The following ANTXR1 variants were observed in gnomAD, a reference collection of about 807,000 sequenced individuals.
ANTXR1 encodes the protein anthrax toxin receptor 1.
In ANTXR1, 19 loss-of-function variants were observed where a neutral mutation model predicts 78.1. That is an observed-to-expected ratio of 0.24 (90% confidence interval 0.17 to 0.36). The LOEUF is 0.36. Ranked by LOEUF, ANTXR1 falls within the 10% of genes least tolerant of loss-of-function variation. ANTXR1 has a pLI of 1.00. For missense variants in ANTXR1, 518 were observed against 718.6 expected (o/e 0.72, Z 3.19); for synonymous variants, 273 against 260.5 (o/e 1.05, Z -0.46).
intron 16 of ANTXR1, among the ~76,000 whole-genome samples, chr2:69,186,354 T>G (rs1235403591): frequency 3.3e-5 from 5 of 152,248 alleles, no homozygotes; most frequent in Non-Finnish European, 7.3e-5. Flanking sequence ...CATCCTATTT[T>G]ACATGATGTT....
At chr2:69,172,286 T>C in intron 14 of ANTXR1, 1 of 1,181,386 alleles carries the variant, frequency 8.5e-7, no homozygotes, top group Non-Finnish European at 1.3e-6. Context: ...AGGCGCTTTT[T>C]GGCATGTGCT....
Position 69,182,636 on chromosome 2 carries a change from C to T in ANTXR1, c.1329C>T (p.Pro443=), listed in dbSNP as rs201866909. The T allele has an allele frequency of 1.8e-4, 291 of 1,614,016 alleles. No individual in the cohort carries two copies. Among genetic ancestry groups the T allele is most frequent in the Non-Finnish European group, 2.2e-4 (260 of 1,180,042 alleles). The part of the protein sequence containing the change: ...LNNNMRRPSS[P]RKWYSPIKGK... ...ACAATATGCGTCGGCCTTCTTCCCC[C>T]CGGAAGTGGTACTCTCCAATCAAGG... The change falls in exon 16 of 18, where the codon CCC becomes CCT. Residue 443 remains proline, a synonymous_variant. Transcript: ENST00000303714.
chr2:69,090,735 C>A lies in ANTXR1; in HGVS notation c.643-124C>A. 6.9e-6 allele frequency: 6 copies of A among 869,102 alleles called. No individual in the cohort carries two copies. The South Asian group carries it at 8.4e-5, about 12-fold the overall frequency. The allele number at this position is 869,102 out of a possible 1,614,324, so 53.8% of individuals were successfully genotyped here. A position where few individuals can be genotyped will look rare whatever the true frequency, so the allele number is the denominator to read the frequency against. On this transcript the variant is annotated intron_variant, in intron 8 of 17. Transcript: ENST00000303714. ...AGTCAAGATGTTAGACTCCTCGCAC[C>A]CCCACCGCAACCAAATGTCCTTGAA... is the stretch of plus-strand genomic sequence containing the variant.
intron 4 of ANTXR1, among the ~76,000 whole-genome samples, chr2:69,071,405 T>A (rs1248733170): frequency 6.6e-6 from 1 of 152,218 alleles, no homozygotes; most frequent in Non-Finnish European, 1.5e-5. Flanking sequence ...GATATTTGTT[T>A]CTAAACATAG....
Position 69,182,553 on chromosome 2 carries a change from G to C in ANTXR1, c.1246G>C (p.Ala416Pro). The C allele has an allele frequency of 6.2e-7, 1 of 1,614,218 alleles. No individual in the cohort carries two copies. The highest frequency in any genetic ancestry group is 8.5e-7 in the Non-Finnish European group (1 of 1,180,040). ...TGCTAAGTTGGAAAAGGCAAAGAAT[G>C]CAAGAGTCAAGATGCCGGAGCAGGA... is the stretch of plus-strand genomic sequence containing the variant. ...EGAKLEKAKN[A>P]RVKMPEQEYE... The change falls in exon 16 of 18, where the codon GCA (alanine) becomes CCA (proline). Residue 416 changes from alanine (A) to proline (P), a missense_variant. This residue lies in a region of ANTXR1 where 192 missense variants were observed against 230.2 expected (regional missense o/e 0.83). Coordinates refer to ENST00000303714, the MANE Select transcript of ANTXR1 (RefSeq NM_032208.3).
chr2:69,110,699 A>G (rs1341718535), intron 10 of ANTXR1, among the ~76,000 whole-genome samples: 1 of 152,126 alleles, frequency 6.6e-6, no homozygotes, highest in African/African-American at 2.4e-5. Flanking sequence ...TCTCCACTAA[A>G]AATAGAAAAA....
In ANTXR1 at chr2:69,226,676, G is replaced by A. The variant is rs112104949; in HGVS notation, c.1435-18549G>A. Among the ~76,000 whole-genome samples the A allele has an allele frequency of 3.2e-3, 491 of 152,262 alleles. 3 individuals are homozygous for A. The highest frequency in any genetic ancestry group is 0.011 in the African/African-American group (462 of 41,558). On this transcript the variant is annotated intron_variant, in intron 17 of 17. Transcript: ENST00000303714. ...CCATTGAAATAGAAGAAATGAAGTAGAGGTCATACCGTTTGTCATCTCTCC... is the reference window on the plus strand; with the variant it reads ...CCATTGAAATAGAAGAAATGAAGTAAAGGTCATACCGTTTGTCATCTCTCC...
chr2:69,070,116 G>A (rs373213377), intron 3 of ANTXR1, among the ~76,000 whole-genome samples: 5 of 152,130 alleles, frequency 3.3e-5, no homozygotes, highest in East Asian at 3.9e-4. Context: ...CACAGGCACC[G>A]GCCCACAGAA....
At chr2:69,200,708 A>T (rs998160996) in intron 17 of ANTXR1, among the ~76,000 whole-genome samples, 1 of 152,214 alleles carries the variant, frequency 6.6e-6, no homozygotes. Flanking sequence ...CACTAGGGAT[A>T]TCCATTAGCA....
intron 1 of ANTXR1, among the ~76,000 whole-genome samples, chr2:69,028,737 G>A (rs540001763): frequency 1.1e-4 from 16 of 152,224 alleles, no homozygotes; most frequent in African/African-American, 2.6e-4. Flanking sequence ...CCAGTCTGTC[G>A]TGAGAAAGGA....
chr2:69,187,100 G>A (rs535418395), intron 16 of ANTXR1, among the ~76,000 whole-genome samples: 2 of 152,262 alleles, frequency 1.3e-5, no homozygotes, highest in East Asian at 3.9e-4. Flanking sequence ...CATGAAATGG[G>A]GTTTTTGAGA....
chr2:69,218,045 C>A (rs191867641), intron 17 of ANTXR1, among the ~76,000 whole-genome samples: 1 of 152,188 alleles, frequency 6.6e-6, no homozygotes, highest in African/African-American at 2.4e-5. Flanking sequence ...GATCTGAGGA[C>A]AAAGGATTCC....
chr2:69,137,421 C>T (rs1672942822), intron 12 of ANTXR1, among the ~76,000 whole-genome samples: 1 of 152,092 alleles, frequency 6.6e-6, no homozygotes, highest in Non-Finnish European at 1.5e-5. Flanking sequence ...AGTGAATGAC[C>T]AATGTGTCCA....
intron 3 of ANTXR1, among the ~76,000 whole-genome samples, chr2:69,045,588 G>C (rs1188544074): frequency 3.9e-5 from 6 of 152,106 alleles, no homozygotes; most frequent in African/African-American, 1.4e-4. Flanking sequence ...AAGAAAAGGA[G>C]GAAGGGCCAG....
Position 69,152,160 on chromosome 2 carries a change from G to A in ANTXR1, c.952-9G>A. ...CCCGCTGCTGACCGCCTCTCTCTTGGCCCTGCAGTCTGACGGTTCCATCCT... is the reference window on the plus strand; with the variant it reads ...CCCGCTGCTGACCGCCTCTCTCTTGACCCTGCAGTCTGACGGTTCCATCCT... On this transcript the variant is annotated splice_polypyrimidine_tract_variant and intron_variant, in intron 12 of 17. Transcript: ENST00000303714. The A allele has an allele frequency of 1.9e-6, 3 of 1,613,700 alleles. No individual in the cohort carries two copies. Among genetic ancestry groups the A allele is most frequent in the South Asian group, 1.1e-5 (1 of 91,066 alleles).
chr2:69,219,313 A>G (rs965043541), intron 17 of ANTXR1, among the ~76,000 whole-genome samples: 3 of 151,398 alleles, frequency 2.0e-5, no homozygotes, highest in Admixed American at 6.6e-5. Flanking sequence ...ATTCCCCAAA[A>G]GGAGAAAGGT....
chr2:69,193,223 C>G, intron 16 of ANTXR1, 112 bp from the exon 17 acceptor site: 1 of 833,462 alleles, frequency 1.2e-6, no homozygotes, highest in Non-Finnish European at 2.1e-6. Context: ...ACCATATTGA[C>G]AGTGTTGTGT....
At chr2:69,128,227 G>GAAA (rs199694251) in intron 12 of ANTXR1, among the ~76,000 whole-genome samples, 12,278 of 139,010 alleles carry the variant, frequency 0.088, 738 homozygotes, top group East Asian at 0.33. Context: ...TCCATCTCTG[G>GAAA]AAAAAAAAAA....
In ANTXR1 at chr2:69,090,877, A is replaced by G; in HGVS notation, c.661A>G (p.Ile221Val). Residue 221 changes from isoleucine to valine, a missense_variant, in exon 9 of 18, where the codon ATC becomes GTC. Physicochemically the swap from Ile to Val is conservative, Grantham distance 29 (BLOSUM62 3). Transcript: ENST00000303714. Reference protein sequence around the residue: ...IIHSILKKSCIEILAAEPSTI... With the variant: ...IIHSILKKSCVEILAAEPSTI... ...CTCCTAGATTTTGAAGAAGTCCTGC[A>G]TCGAAATTCTAGCAGCTGAACCATC... 6.2e-7 allele frequency: 1 copy of G among 1,613,302 alleles called. No homozygotes were observed. The highest frequency in any genetic ancestry group is 8.5e-7 in the Non-Finnish European group (1 of 1,180,022).
Sources: allele counts gnomAD v4.1 joint callset (sites outside exome capture counted in the v4.1 genomes callset), GRCh38; gene constraint gnomAD v4.1.1; regional missense constraint gnomAD v4.1.1; transcripts MANE v1.5; gene names NCBI Gene and HGNC (gene_info 2026-07-23, HGNC 2026-07-21).